Variants in OTOGL observed in about 807,000 individuals in gnomAD.
OTOGL encodes otogelin like.
In OTOGL, 285 loss-of-function variants were observed where a neutral mutation model predicts 318.5. The observed-to-expected ratio is 0.89, with a 90% CI of 0.81 to 0.99. The LOEUF is 0.99. Among genes scored for constraint, OTOGL ranks in the 50% least tolerant of loss-of-function variants. The probability of loss-of-function intolerance (pLI) is 0.00; values close to 1 mark genes in which losing one functional copy is unlikely to be tolerated. For missense variants in OTOGL, 2,899 were observed against 2,845.6 expected (o/e 1.02, Z -0.43); for synonymous variants, 987 against 936.5 (o/e 1.05, Z -0.99).
rs540448958 is a variant in OTOGL at position 80,124,567 on chromosome 12, C to T, written c.-20+24962C>T. ...AACTTTAAAGTAGTTTTTTCCAATT[C>T]TGTGAAGAAAGGCATTGGTAGCTTG... On this transcript the variant is annotated intron_variant, in intron 1 of 58. Coordinates refer to ENST00000547103, the MANE Select transcript of OTOGL (RefSeq NM_001378609.3). Among the ~76,000 whole-genome samples, 473 of 152,216 alleles carry T rather than the reference C, an allele frequency of 3.1e-3. 3 individuals carry two copies. Among genetic ancestry groups the T allele is most frequent in the African/African-American group, 0.011 (449 of 41,542 alleles).
intron 27 of OTOGL, among the ~76,000 whole-genome samples, chr12:80,297,516 A>G (rs1885490801): frequency 6.6e-6 from 1 of 152,040 alleles, no homozygotes; most frequent in Non-Finnish European, 1.5e-5. Context: ...TATTTTCAGT[A>G]GAGACGGGAT....
chr12:80,217,543 T>A, intron 4 of OTOGL, 55 bp from the exon 5 acceptor site: 2 of 1,225,700 alleles, frequency 1.6e-6, no homozygotes, highest in Middle Eastern at 1.9e-4. Context: ...ATTTGCATGT[T>A]TGGCTTGAAT....
chr12:80,201,153 G>A (rs1029574646), intron 1 of OTOGL, among the ~76,000 whole-genome samples: 37 of 152,128 alleles, frequency 2.4e-4, no homozygotes, highest in African/African-American at 8.9e-4. Context: ...TAGGCCTGGG[G>A]AATTATTTTT....
intron 52 of OTOGL, among the ~76,000 whole-genome samples, chr12:80,362,125 A>AGT (rs1377718334): frequency 1.3e-5 from 2 of 152,180 alleles, no homozygotes; most frequent in Non-Finnish European, 2.9e-5. Context: ...AATTACAGTT[A>AGT]AGTCTTTAAT....
Position 80,328,737 on chromosome 12 carries a change from A to C in OTOGL, c.4272A>C (p.Pro1424=). The C allele has an allele frequency of 6.3e-7, 1 of 1,594,610 alleles. No homozygotes were observed. The highest frequency in any genetic ancestry group is 2.2e-5 in the East Asian group (1 of 44,788). The change falls in exon 36 of 59, where the codon CCA becomes CCC. Residue 1424 remains proline, a synonymous_variant. Coordinates refer to ENST00000547103, the MANE Select transcript of OTOGL (RefSeq NM_001378609.3). ...LDEVTLKCVY[P]RDCIPVIPTE... Reference sequence around the variant, plus strand: ...AGGTCACCCTCAAGTGTGTTTATCCACGAGACTGTAAGTGTGAACGTTGCT... The same window carrying C: ...AGGTCACCCTCAAGTGTGTTTATCCCCGAGACTGTAAGTGTGAACGTTGCT...
chr12:80,332,354 T>C (rs1392245378), intron 37 of OTOGL, among the ~76,000 whole-genome samples: 3 of 152,206 alleles, frequency 2.0e-5, no homozygotes, highest in Non-Finnish European at 2.9e-5. Flanking sequence ...GGCACTGCGA[T>C]TATGGCTGAG....
intron 30 of OTOGL, among the ~76,000 whole-genome samples, chr12:80,313,123 C>T (rs372956977): frequency 3.1e-4 from 47 of 151,962 alleles, no homozygotes; most frequent in African/African-American, 9.7e-4. Context: ...AAGAAAGATA[C>T]GAAATTATAT....
In OTOGL at chr12:80,247,098, T is replaced by G. The variant is rs1475329219; in HGVS notation, c.1053-4595T>G. On this transcript the variant is annotated intron_variant, in intron 11 of 58. Coordinates refer to ENST00000547103, the MANE Select transcript of OTOGL (RefSeq NM_001378609.3). ...GCTAGCAGTCTATCAATTTTGTTGATCCTTTCAAAAAACCAGCTCCTGGAT... is the reference window on the plus strand; with the variant it reads ...GCTAGCAGTCTATCAATTTTGTTGAGCCTTTCAAAAAACCAGCTCCTGGAT... Among the ~76,000 whole-genome samples the G allele has an allele frequency of 8.4e-4, 115 of 137,580 alleles. 2 individuals are homozygous for G. Among genetic ancestry groups the G allele is most frequent in the African/African-American group, 3.5e-3 (112 of 32,390 alleles). 90.3% of individuals were successfully genotyped at this position (137,580 alleles called of 152,430 possible). A position where few individuals can be genotyped will look rare whatever the true frequency, so the allele number is the denominator to read the frequency against.
At chr12:80,264,756 C>T in intron 19 of OTOGL, among the ~76,000 whole-genome samples, 1 of 151,858 alleles carries the variant, frequency 6.6e-6, no homozygotes, top group East Asian at 1.9e-4. Flanking sequence ...TTCTCTCAAC[C>T]CTTCTATTAC....
chr12:80,308,191 A>C (rs946012329), intron 29 of OTOGL, among the ~76,000 whole-genome samples: 3 of 143,944 alleles, frequency 2.1e-5, no homozygotes, highest in Non-Finnish European at 4.5e-5. Flanking sequence ...CCGGGCGGAG[A>C]CACTCCTCAC....
At chr12:80,129,283 G>C (rs1330152354) in intron 1 of OTOGL, among the ~76,000 whole-genome samples, 3 of 152,162 alleles carry the variant, frequency 2.0e-5, no homozygotes, top group Admixed American at 1.3e-4. Flanking sequence ...TCTGTGTCTT[G>C]CTTCCATATT....
intron 1 of OTOGL, among the ~76,000 whole-genome samples, chr12:80,188,402 G>A (rs1875447137): frequency 6.6e-6 from 1 of 151,886 alleles, no homozygotes; most frequent in African/African-American, 2.4e-5. Flanking sequence ...GCCGGGTGTG[G>A]TGGCATGCGC....
rs777681714 is a variant in OTOGL at position 80,356,828 on chromosome 12, C to G, written c.5933C>G (p.Pro1978Arg). The G allele has an allele frequency of 1.9e-6, 3 of 1,591,334 alleles. No individual in the cohort carries two copies. Among genetic ancestry groups the G allele is most frequent in the Admixed American group, 1.8e-5 (1 of 56,892 alleles). Reference sequence around the variant, plus strand: ...GCAGAATGTGACCCATTGAAATGCCCCAGTATTTCAACACCAGAATGCAGA... The same window carrying G: ...GCAGAATGTGACCCATTGAAATGCCGCAGTATTTCAACACCAGAATGCAGA... ...YKCECDPLKC[P>R]SISTPECRED... is the part of the protein sequence containing the mutation. The change falls in exon 49 of 59, where the codon CCC (proline) becomes CGC (arginine). Residue 1978 changes from proline (P) to arginine (R), a missense_variant. This residue lies in a region of OTOGL where 2,607 missense variants were observed against 2,524.9 expected (regional missense o/e 1.03). Coordinates refer to ENST00000547103, the MANE Select transcript of OTOGL (RefSeq NM_001378609.3).
chr12:80,208,661 C>G (rs1176053453), intron 1 of OTOGL, among the ~76,000 whole-genome samples: 2 of 152,136 alleles, frequency 1.3e-5, no homozygotes, highest in Non-Finnish European at 2.9e-5. Context: ...AGTAATAAGT[C>G]TGTTGTTTAA....
At chr12:80,270,216 G>C (rs1303876780) in intron 23 of OTOGL, 62 bp downstream of exon 23, 14 of 1,367,754 alleles carry the variant, frequency 1.0e-5, no homozygotes, top group Non-Finnish European at 1.4e-5. Context: ...CTCCACTCCT[G>C]GCAGAAGTCA....
intron 1 of OTOGL, among the ~76,000 whole-genome samples, chr12:80,145,445 G>C (rs1301276388): frequency 6.6e-6 from 1 of 152,064 alleles, no homozygotes; most frequent in Non-Finnish European, 1.5e-5. Context: ...GTACCATGCT[G>C]TTTTGGTTAC....
At chr12:80,343,748 C>T (rs1250064946) in intron 44 of OTOGL, 2 of 151,628 alleles carry the variant, frequency 1.3e-5, no homozygotes, top group Non-Finnish European at 2.9e-5. Context: ...CAACCCTGGC[C>T]GTCAGTAGGA....
intron 11 of OTOGL, among the ~76,000 whole-genome samples, chr12:80,243,437 A>G (rs868171638): frequency 2.6e-5 from 4 of 152,150 alleles, no homozygotes; most frequent in East Asian, 3.9e-4. Flanking sequence ...CAATACTCCT[A>G]CCCTAAAAGT....
rs191143471 is a variant in OTOGL at position 80,207,338 on chromosome 12, A to G, written c.-19-2075A>G. 1.2e-4 allele frequency among the ~76,000 whole-genome samples: 19 copies of G among 152,228 alleles called. No individual in the cohort carries two copies. The East Asian group carries it at 3.7e-3, about 30-fold the overall frequency. On this transcript the variant is annotated intron_variant, in intron 1 of 58. Transcript: ENST00000547103. The stretch of plus-strand genomic sequence containing the variant: ...TGCCTCAGCCTCCTAAGTAGCTGGT[A>G]TTACAGGTATGCGCCACCACTCCCA...
Sources: allele counts gnomAD v4.1 joint callset (sites outside exome capture counted in the v4.1 genomes callset), GRCh38; gene constraint gnomAD v4.1.1; regional missense constraint gnomAD v4.1.1; transcripts MANE v1.5; gene names NCBI Gene and HGNC (gene_info 2026-07-23, HGNC 2026-07-21).